HIVEP1: variants seen among roughly 807,000 people sequenced by gnomAD.
HIVEP1 encodes the protein zinc finger protein 40.
In HIVEP1, 36 loss-of-function variants were observed where a neutral mutation model predicts 180.0. The ratio of observed to expected loss-of-function variants is 0.20; its 90% CI spans 0.15 to 0.26. The LOEUF (loss-of-function observed/expected upper bound fraction) is 0.26, where lower values mean the gene tolerates loss of function less well. Among genes scored for constraint, HIVEP1 ranks in the 10% least tolerant of loss-of-function variants. HIVEP1 has a pLI of 1.00. For missense variants in HIVEP1, 3,143 were observed against 3,268.7 expected (o/e 0.96, Z 0.94); for synonymous variants, 1,239 against 1,239.0 (o/e 1.00, Z 0.00).
chr6:12,042,141 G>A (rs1455008941), intron 2 of HIVEP1, among the ~76,000 whole-genome samples: 6 of 147,370 alleles, frequency 4.1e-5, no homozygotes, highest in South Asian at 2.1e-4. Context: ...CTGCAGTGGC[G>A]CAATCTCGGC....
chr6:12,023,471 A>G (rs1322868463), intron 2 of HIVEP1, among the ~76,000 whole-genome samples: 25 of 152,356 alleles, frequency 1.6e-4, no homozygotes, highest in South Asian at 1.4e-3. Flanking sequence ...CCCATGGCTT[A>G]TTTCAAAAAC....
chr6:12,087,905 C>T lies in HIVEP1; in HGVS notation c.41-1279C>T, dbSNP rs189747167. Among the ~76,000 whole-genome samples the T allele has an allele frequency of 4.6e-5, 7 of 152,146 alleles. No individual in the cohort carries two copies. The East Asian group carries it at 1.2e-3, about 25-fold the overall frequency. ...GAAGCAAATAAGACATTGCTGTGGG[C>T]GATACATTTATCAGGATGAAAATTT... On this transcript the variant is annotated intron_variant, in intron 2 of 8. Coordinates refer to ENST00000379388, the MANE Select transcript of HIVEP1 (RefSeq NM_002114.4).
chr6:12,123,067 C>G lies in HIVEP1; in HGVS notation c.3272C>G (p.Ser1091Cys). 6.2e-7 allele frequency: 1 copy of G among 1,614,150 alleles called. No individual in the cohort carries two copies. The highest frequency in any genetic ancestry group is 1.7e-5 in the Admixed American group (1 of 60,034). Residue 1091 changes from serine (S) to cysteine (C), a missense_variant, in exon 4 of 9, where the codon TCC (serine) becomes TGC (cysteine). Physicochemically the swap from Ser to Cys is moderately radical, Grantham distance 112 (BLOSUM62 -1). This residue lies in a region of HIVEP1 where 1,357 missense variants were observed against 1,260.5 expected (regional missense o/e 1.08). Coordinates refer to ENST00000379388, the MANE Select transcript of HIVEP1 (RefSeq NM_002114.4). ...CATAAAAATATACAGTTGCAAAACT[C>G]CCATATTCACCTTGTTGCCAGGGGC... ...QQHKNIQLQN[S>C]HIHLVARGPE...
the HIVEP1 span, among the ~76,000 whole-genome samples, chr6:12,207,555 C>T: frequency 6.6e-6 from 1 of 152,024 alleles, no homozygotes; most frequent in African/African-American, 2.4e-5. Flanking sequence ...TGTGAAACAG[C>T]CTCAGAAGCC....
intron 2 of HIVEP1, among the ~76,000 whole-genome samples, chr6:12,072,369 C>G (rs980064609): frequency 1.2e-4 from 18 of 152,270 alleles, no homozygotes; most frequent in African/African-American, 4.1e-4. Flanking sequence ...TGTTGCCTCG[C>G]TGCTTCTCCC....
At chr6:12,111,526 A>T (rs1382845310) in intron 3 of HIVEP1, among the ~76,000 whole-genome samples, 1 of 152,250 alleles carries the variant, frequency 6.6e-6, no homozygotes, top group African/African-American at 2.4e-5. Context: ...GGTTACTGGC[A>T]GAATTTAGTC....
chr6:12,133,584 T>C (rs1377276534), intron 6 of HIVEP1, among the ~76,000 whole-genome samples: 1 of 152,244 alleles, frequency 6.6e-6, no homozygotes, highest in African/African-American at 2.4e-5. Context: ...TGAGAAAATA[T>C]GCTTACTAAA....
chr6:12,060,245 G>A (rs751310693), intron 2 of HIVEP1, among the ~76,000 whole-genome samples: 19 of 152,164 alleles, frequency 1.2e-4, no homozygotes, highest in Non-Finnish European at 2.4e-4. Context: ...GCATGATTTT[G>A]TTAATGGGGA....
chr6:12,140,486 C>T (rs1315190022), intron 7 of HIVEP1, among the ~76,000 whole-genome samples: 1 of 152,196 alleles, frequency 6.6e-6, no homozygotes, highest in African/African-American at 2.4e-5. Context: ...CAGCTCCTCG[C>T]CAGCAATGGA....
At chr6:12,144,437 A>C (rs1436532121) in intron 7 of HIVEP1, among the ~76,000 whole-genome samples, 1 of 152,184 alleles carries the variant, frequency 6.6e-6, no homozygotes, top group Non-Finnish European at 1.5e-5. Context: ...CTAGAAGAAA[A>C]CCTAGGCAAT....
At position 12,161,819 on chromosome 6, in the gene HIVEP1, C is replaced by T. The variant is rs758035535; in HGVS notation, c.6868C>T (p.Pro2290Ser). 6.2e-7 allele frequency: 1 copy of T among 1,614,146 alleles called. No individual in the cohort carries two copies. The highest frequency in any genetic ancestry group is 8.5e-7 in the Non-Finnish European group (1 of 1,180,022). ...RAARDENDTIPSVDTSRSPCH... is the reference protein window; with the variant it reads ...RAARDENDTISSVDTSRSPCH... Reference sequence around the variant, plus strand: ...TGCGAGAGATGAAAACGACACAATTCCGTCTGTAGACACTTCCAGGTCCCC... The same window carrying T: ...TGCGAGAGATGAAAACGACACAATTTCGTCTGTAGACACTTCCAGGTCCCC... The change falls in exon 8 of 9, where the codon CCG (proline) becomes TCG (serine). Residue 2290 changes from proline (P) to serine (S), a missense_variant. Pro to Ser is a moderately conservative substitution (Grantham distance 74). Coordinates refer to ENST00000379388, the MANE Select transcript of HIVEP1 (RefSeq NM_002114.4).
chr6:12,015,500 T>A lies in HIVEP1; in HGVS notation c.-103-26T>A, dbSNP rs1325360502. 4.1e-6 allele frequency: 3 copies of A among 740,164 alleles called. No individual in the cohort carries two copies. In the Admixed American group the frequency reaches 7.1e-5, roughly 18 times the overall value. 45.8% of individuals were successfully genotyped at this position (740,164 alleles called of 1,614,324 possible). On this transcript the variant is annotated intron_variant, in intron 1 of 8. Transcript: ENST00000379388. ...TTTCTCCTCTGAAGGTAGTAAAATGTGCTTCTCCGTTTTTTTCTTTTTCAG... is the reference window on the plus strand; with the variant it reads ...TTTCTCCTCTGAAGGTAGTAAAATGAGCTTCTCCGTTTTTTTCTTTTTCAG...
intron 2 of HIVEP1, among the ~76,000 whole-genome samples, chr6:12,075,187 T>C (rs1490296073): frequency 6.6e-6 from 1 of 152,228 alleles, no homozygotes; most frequent in Non-Finnish European, 1.5e-5. Flanking sequence ...CCATGTACAT[T>C]GCTCTGCTCC....
chr6:12,100,078 G>A (rs1247448156), intron 3 of HIVEP1, among the ~76,000 whole-genome samples: 1 of 152,174 alleles, frequency 6.6e-6, no homozygotes, highest in Non-Finnish European at 1.5e-5. Context: ...CTGGTGGGAG[G>A]TTGTGATAGT....
intron 3 of HIVEP1, among the ~76,000 whole-genome samples, chr6:12,101,093 A>T (rs1201294382): frequency 1.3e-5 from 2 of 152,198 alleles, no homozygotes; most frequent in African/African-American, 2.4e-5. Context: ...TAAAAATAGA[A>T]AATGTATTTA....
chr6:12,053,495 CA>C (rs1009157244), intron 2 of HIVEP1, among the ~76,000 whole-genome samples: 17 of 151,200 alleles, frequency 1.1e-4, no homozygotes, highest in Admixed American at 2.6e-4. Context: ...TAGGATATGA[CA>C]AAAAAAACAT....
At chr6:12,179,834 GTTTA>G in the HIVEP1 span, among the ~76,000 whole-genome samples, 5 of 151,636 alleles carry the variant, frequency 3.3e-5, no homozygotes, top group Non-Finnish European at 5.9e-5. Flanking sequence ...ATAATGTTTT[GTTTA>G]TTTATTATTT....
At chr6:12,175,360 G>T in the HIVEP1 span, among the ~76,000 whole-genome samples, 3 of 152,194 alleles carry the variant, frequency 2.0e-5, no homozygotes, top group Admixed American at 6.5e-5. Context: ...GTAAGTTAGG[G>T]CAAAAGTGCC....
chr6:12,069,129 T>C (rs187158931), intron 2 of HIVEP1, among the ~76,000 whole-genome samples: 1 of 152,344 alleles, frequency 6.6e-6, no homozygotes, highest in Admixed American at 6.5e-5. Flanking sequence ...TGGGGTGTAC[T>C]TACACAAACC....
Sources: allele counts gnomAD v4.1 joint callset (sites outside exome capture counted in the v4.1 genomes callset), GRCh38; gene constraint gnomAD v4.1.1; regional missense constraint gnomAD v4.1.1; transcripts MANE v1.5; gene names NCBI Gene and HGNC (gene_info 2026-07-23, HGNC 2026-07-21).